FHIT: variants seen among roughly 807,000 people sequenced by gnomAD.
FHIT encodes bis(5'-adenosyl)-triphosphatase.
A neutral mutation model predicts 17.9 loss-of-function variants in FHIT; 19 were observed. The observed-to-expected ratio is 1.06, with a 90% CI of 0.74 to 1.56. The LOEUF is 1.56. FHIT is among the 40% of genes most tolerant of loss of function. The probability of loss-of-function intolerance (pLI) is 0.00; values close to 1 mark genes in which losing one functional copy is unlikely to be tolerated. For synonymous variants in FHIT, 81 were observed against 69.7 expected, an observed-to-expected ratio of 1.16 and a Z score of -0.81; for missense variants, 248 against 189.2, an observed-to-expected ratio of 1.31 and a Z score of -1.82.
At chr3:60,397,941 C>A (rs1701514745) in intron 5 of FHIT, among the ~76,000 whole-genome samples, 1 of 152,160 alleles carries the variant, frequency 6.6e-6, no homozygotes, top group African/African-American at 2.4e-5. Flanking sequence ...CACACACTCC[C>A]TTTACTGAGC....
At chr3:60,427,599 T>G (rs976556291) in intron 5 of FHIT, among the ~76,000 whole-genome samples, 1 of 152,142 alleles carries the variant, frequency 6.6e-6, no homozygotes, top group African/African-American at 2.4e-5. Flanking sequence ...CTGGCTGTTT[T>G]TTCTTGATCC....
chr3:59,979,787 T>A (rs1417171088), intron 7 of FHIT, among the ~76,000 whole-genome samples: 4 of 152,042 alleles, frequency 2.6e-5, no homozygotes, highest in Non-Finnish European at 5.9e-5. Flanking sequence ...AGAGTACATG[T>A]TTTCGAAAAG....
chr3:61,025,924 G>A (rs1455291326), intron 3 of FHIT, among the ~76,000 whole-genome samples: 2 of 151,912 alleles, frequency 1.3e-5, no homozygotes. Flanking sequence ...AGAAATAATT[G>A]TTAAATAAAA....
intron 5 of FHIT, among the ~76,000 whole-genome samples, chr3:60,376,461 C>T (rs959135664): frequency 2.0e-5 from 3 of 152,176 alleles, no homozygotes; most frequent in Non-Finnish European, 4.4e-5. Context: ...GTGGTTGCCA[C>T]AGATTTTTCA....
chr3:60,081,175 T>A (rs1407099704), intron 5 of FHIT, among the ~76,000 whole-genome samples: 1 of 152,110 alleles, frequency 6.6e-6, no homozygotes, highest in Non-Finnish European at 1.5e-5. Flanking sequence ...AGGGGGTTAT[T>A]TAAAATGCAG....
At chr3:61,063,733 T>C (rs9311794) in intron 2 of FHIT, among the ~76,000 whole-genome samples, 83,445 of 151,868 alleles carry the variant, frequency 0.55, 24,052 homozygotes, top group Non-Finnish European at 0.65. Context: ...AACACATGCC[T>C]CAAGGGAAGA....
intron 4 of FHIT, among the ~76,000 whole-genome samples, chr3:60,721,413 T>C (rs1242105077): frequency 3.3e-5 from 5 of 151,514 alleles, no homozygotes; most frequent in African/African-American, 1.2e-4. Flanking sequence ...CACACACACA[T>C]ACACTGCCTT....
chr3:61,141,769 C>T (rs1576093029), intron 2 of FHIT, among the ~76,000 whole-genome samples: 1 of 151,660 alleles, frequency 6.6e-6, no homozygotes, highest in African/African-American at 2.4e-5. Context: ...AGAGGAGGCT[C>T]CAGCTTTCTC....
intron 5 of FHIT, among the ~76,000 whole-genome samples, chr3:60,083,680 T>C (rs141539463): frequency 1.3e-5 from 2 of 152,178 alleles, no homozygotes; most frequent in African/African-American, 2.4e-5. Context: ...AGAGTACATA[T>C]TTTATGCTTT....
At chr3:61,192,694 A>G (rs2038750619) in intron 2 of FHIT, among the ~76,000 whole-genome samples, 1 of 152,210 alleles carries the variant, frequency 6.6e-6, no homozygotes, top group African/African-American at 2.4e-5. Flanking sequence ...GCAAAGACTC[A>G]GGAGAAAATG....
chr3:59,764,134 C>T (rs1436246462), intron 8 of FHIT, among the ~76,000 whole-genome samples: 1 of 152,148 alleles, frequency 6.6e-6, no homozygotes, highest in African/African-American at 2.4e-5. Flanking sequence ...TCTCACACAC[C>T]CTAACATCAG....
intron 3 of FHIT, among the ~76,000 whole-genome samples, chr3:60,969,599 G>C (rs1709909364): frequency 6.6e-6 from 1 of 151,964 alleles, no homozygotes; most frequent in Non-Finnish European, 1.5e-5. Flanking sequence ...GAAACATAGG[G>C]AAGAAAATAT....
chr3:59,864,784 A>T (rs1365572867), intron 8 of FHIT, among the ~76,000 whole-genome samples: 1 of 150,202 alleles, frequency 6.7e-6, no homozygotes, highest in African/African-American at 2.5e-5. Flanking sequence ...TTCAGACTTA[A>T]CCCTTTCTGC....
intron 3 of FHIT, among the ~76,000 whole-genome samples, chr3:60,952,027 A>G (rs1037805714): frequency 6.6e-6 from 1 of 151,982 alleles, no homozygotes; most frequent in Non-Finnish European, 1.5e-5. Flanking sequence ...TTAGCTGGGC[A>G]TGGTGGCGGG....
chr3:60,052,580 C>T (rs1477142764), intron 5 of FHIT, among the ~76,000 whole-genome samples: 3 of 152,014 alleles, frequency 2.0e-5, no homozygotes, highest in African/African-American at 7.2e-5. Flanking sequence ...ACATTGTGAA[C>T]TGGCTAGAGT....
chr3:60,386,147 G>T (rs185538857), intron 5 of FHIT, among the ~76,000 whole-genome samples: 4 of 152,138 alleles, frequency 2.6e-5, no homozygotes, highest in Admixed American at 2.6e-4. Context: ...TTGAGCCCCG[G>T]CAGTGTGGTT....
chr3:59,960,681 T>C (rs539566879), intron 7 of FHIT, among the ~76,000 whole-genome samples: 1 of 152,362 alleles, frequency 6.6e-6, no homozygotes, highest in Non-Finnish European at 1.5e-5. Flanking sequence ...AATCACTATA[T>C]TCTTCTAATA....
At chr3:61,097,252 G>A (rs1316866569) in intron 2 of FHIT, among the ~76,000 whole-genome samples, 1 of 152,072 alleles carries the variant, frequency 6.6e-6, no homozygotes, top group Admixed American at 6.6e-5. Context: ...CAGGACAGTG[G>A]GTGCAGTCCA....
intron 4 of FHIT, among the ~76,000 whole-genome samples, chr3:60,549,013 CCT>C (rs1300955548): frequency 3.3e-5 from 5 of 152,070 alleles, no homozygotes; most frequent in Admixed American, 1.3e-4. Context: ...GACAACAGTA[CCT>C]TCTTCTCAAG....
Sources: gnomAD v4.1 joint callset for allele counts (sites outside exome capture counted in the v4.1 genomes callset) on GRCh38, gnomAD v4.1.1 for gene constraint, MANE v1.5 for transcripts, NCBI Gene and HGNC (gene_info 2026-07-23, HGNC 2026-07-21) for gene names.